The following DPH6 variants were observed in gnomAD, a reference collection of about 807,000 sequenced individuals.
DPH6 encodes diphthine--ammonia ligase.
In DPH6, 33 loss-of-function variants were observed where a neutral mutation model predicts 38.2. The observed-to-expected ratio is 0.86, with a 90% CI of 0.65 to 1.15. The LOEUF (loss-of-function observed/expected upper bound fraction) is 1.15. Ranked by LOEUF, DPH6 falls within the 50% of genes most tolerant of loss-of-function variation. The probability of loss-of-function intolerance (pLI) is 0.00; values close to 1 mark genes in which losing one functional copy is unlikely to be tolerated. For missense variants in DPH6, 325 were observed against 320.0 expected, an observed-to-expected ratio of 1.02 and a Z score of -0.12; for synonymous variants, 108 against 103.0, an observed-to-expected ratio of 1.05 and a Z score of -0.30.
At chr15:35,487,446 C>T (rs1295277665) in intron 3 of DPH6, among the ~76,000 whole-genome samples, 1 of 152,248 alleles carries the variant, frequency 6.6e-6, no homozygotes, top group African/African-American at 2.4e-5. Flanking sequence ...CACCTGCAGG[C>T]CCAACACCAT....
intron 5 of DPH6, among the ~76,000 whole-genome samples, chr15:35,421,955 T>C (rs953385843): frequency 6.6e-6 from 1 of 151,928 alleles, no homozygotes; most frequent in Non-Finnish European, 1.5e-5. Flanking sequence ...AAAGCATTAG[T>C]ATAGAAGAGA....
At chr15:35,337,463 C>A (rs1388060950) in intron 3 of DPH6, among the ~76,000 whole-genome samples, 4 of 152,094 alleles carry the variant, frequency 2.6e-5, no homozygotes. Context: ...ACCTAGGAAT[C>A]CAACTTACAA....
chr15:35,373,684 G>C (rs2052743563), intron 7 of DPH6, 76 bp from the exon 8 acceptor site: 7 of 1,131,006 alleles, frequency 6.2e-6, no homozygotes, highest in African/African-American at 1.6e-5. Flanking sequence ...CTGACTAGAA[G>C]AGACTAAACA....
At chr15:35,171,998 G>C in the DPH6 span, among the ~76,000 whole-genome samples, 2 of 151,998 alleles carry the variant, frequency 1.3e-5, no homozygotes. Context: ...CTCCCAAGTA[G>C]CTGGGACTAC....
At chr15:35,488,285 A>G (rs1595409221) in intron 3 of DPH6, among the ~76,000 whole-genome samples, 1 of 152,224 alleles carries the variant, frequency 6.6e-6, no homozygotes, top group East Asian at 1.9e-4. Flanking sequence ...CCACATTTTC[A>G]GTTATCTTTC....
At chr15:35,319,533 G>T (rs1171326691) in intron 3 of DPH6, among the ~76,000 whole-genome samples, 1 of 152,114 alleles carries the variant, frequency 6.6e-6, no homozygotes, top group African/African-American at 2.4e-5. Flanking sequence ...CTGAGGCCTG[G>T]AGTTCAAGAC....
At chr15:35,503,745 T>C (rs74010314) in intron 3 of DPH6, among the ~76,000 whole-genome samples, 17,392 of 152,096 alleles carry the variant, frequency 0.11, 1,505 homozygotes, top group African/African-American at 0.25. Context: ...ATGACAAGAA[T>C]ACTAAATTGA....
chr15:35,520,649 T>C lies in DPH6; in HGVS notation c.312+17625A>G, dbSNP rs1055731009. 12 of 984,866 alleles carry C rather than the reference T, an allele frequency of 1.2e-5. No homozygotes were observed. The African/African-American group carries it at 2.1e-4, about 17-fold the overall frequency. The allele number at this position is 984,866 out of a possible 1,614,324, so 61.0% of individuals were successfully genotyped here. A position where few individuals can be genotyped will look rare whatever the true frequency, so the allele number is the denominator to read the frequency against. ...GCAAAAGTAAAAGGGAGTTAAATTA[T>C]CTCATTTTGGTAATTTGAAAATAAT... On this transcript the variant is annotated intron_variant, in intron 3 of 8. Transcript: ENST00000256538.
rs1566861420 is a variant in DPH6, at chr15:35,293,189, T to C, written n.201-72607A>G. ...TCTGTGTAATTAACATATATCTCTT[T>C]ATAAAACATGCTAGTTTTAATAACA... is the stretch of plus-strand genomic sequence containing the variant. On this transcript the variant is annotated intron_variant and non_coding_transcript_variant, in intron 3 of 3. Coordinates refer to the DPH6 transcript ENST00000560386. Among the ~76,000 whole-genome samples the C allele has an allele frequency of 3.9e-5, 6 of 152,332 alleles. No homozygotes were observed. In the South Asian group the frequency reaches 1.2e-3, roughly 32 times the overall value.
At chr15:35,403,102 A>G (rs2053243661) in intron 6 of DPH6, among the ~76,000 whole-genome samples, 1 of 152,142 alleles carries the variant, frequency 6.6e-6, no homozygotes, top group African/African-American at 2.4e-5. Context: ...TGTAAATAAA[A>G]TATACACAAG....
chr15:35,285,482 TA>T (rs1025779843), intron 3 of DPH6, among the ~76,000 whole-genome samples: 1 of 152,202 alleles, frequency 6.6e-6, no homozygotes, highest in Non-Finnish European at 1.5e-5. Context: ...GCCATCCACA[TA>T]AGATGTGACT....
intron 3 of DPH6, among the ~76,000 whole-genome samples, chr15:35,533,322 C>T (rs191995209): frequency 2.4e-3 from 369 of 152,162 alleles, no homozygotes; most frequent in African/African-American, 8.5e-3. Context: ...ACAATCTAGG[C>T]CTACCAAATC....
intron 3 of DPH6, among the ~76,000 whole-genome samples, chr15:35,267,244 A>T (rs1479307951): frequency 1.3e-5 from 2 of 152,300 alleles, no homozygotes; most frequent in Non-Finnish European, 2.9e-5. Flanking sequence ...GCTGCTGATC[A>T]GATTGGGTGA....
intron 3 of DPH6, among the ~76,000 whole-genome samples, chr15:35,317,621 A>G (rs1268677464): frequency 6.6e-6 from 1 of 151,812 alleles, no homozygotes; most frequent in East Asian, 1.9e-4. Flanking sequence ...GAAGATTCCA[A>G]ATGGATACAT....
chr15:35,527,571 G>C (rs773495426), intron 3 of DPH6, among the ~76,000 whole-genome samples: 15 of 152,090 alleles, frequency 9.9e-5, no homozygotes, highest in African/African-American at 3.4e-4. Flanking sequence ...TGTGACATGA[G>C]GGTTTAAGGA....
At chr15:35,265,814 CT>C (rs1222837337) in intron 3 of DPH6, among the ~76,000 whole-genome samples, 2 of 152,130 alleles carry the variant, frequency 1.3e-5, no homozygotes, top group African/African-American at 4.8e-5. Flanking sequence ...AAAAGTCTTT[CT>C]TTTATATCGC....
chr15:35,164,014 T>C, the DPH6 span, among the ~76,000 whole-genome samples: 78 of 151,990 alleles, frequency 5.1e-4, no homozygotes, highest in South Asian at 8.3e-4. Flanking sequence ...CAAAGAATTG[T>C]CTAATATTCA....
chr15:35,173,405 T>C, the DPH6 span, among the ~76,000 whole-genome samples: 1 of 152,224 alleles, frequency 6.6e-6, no homozygotes, highest in Non-Finnish European at 1.5e-5. Context: ...TCTGTTGTTT[T>C]ACTTTTTTCT....
intron 3 of DPH6, among the ~76,000 whole-genome samples, chr15:35,524,317 C>A (rs930225109): frequency 6.6e-6 from 1 of 152,026 alleles, no homozygotes; most frequent in Non-Finnish European, 1.5e-5. Context: ...CCAGGCTAAT[C>A]CCTAGACCAC....
Sources: gnomAD v4.1 joint callset for allele counts (sites outside exome capture counted in the v4.1 genomes callset) on GRCh38, gnomAD v4.1.1 for gene constraint, MANE v1.5 for transcripts, NCBI Gene and HGNC (gene_info 2026-07-23, HGNC 2026-07-21) for gene names.